Variants in NDST3 observed in about 807,000 individuals in gnomAD.
NDST3 encodes the protein bifunctional heparan sulfate N-deacetylase/N-sulfotransferase 3.
NDST3 carries 58 observed loss-of-function variants against 96.1 expected under a neutral mutation model. That is an observed-to-expected ratio of 0.60 (90% CI 0.49 to 0.75). The LOEUF (loss-of-function observed/expected upper bound fraction) is 0.75, where lower values mean the gene tolerates loss of function less well. NDST3 is among the 30% of genes least tolerant of loss of function. The pLI, the probability that NDST3 is intolerant of heterozygous loss-of-function variation, is 0.00. For synonymous variants in NDST3, 333 were observed against 359.7 expected (o/e 0.93, Z 0.84); for missense variants, 788 against 1,034.2 (o/e 0.76, Z 3.27).
chr4:118,112,377 G>A (rs562308369), intron 3 of NDST3, among the ~76,000 whole-genome samples: 2 of 152,180 alleles, frequency 1.3e-5, no homozygotes, highest in Non-Finnish European at 2.9e-5. Context: ...AGGGAATAGA[G>A]CTTAAAAGCA....
intron 6 of NDST3, among the ~76,000 whole-genome samples, chr4:118,163,502 CA>C (rs1735336849): frequency 6.6e-6 from 1 of 151,414 alleles, no homozygotes; most frequent in African/African-American, 2.4e-5. Flanking sequence ...ATCGCAAGAA[CA>C]AAAAACCAAA....
intron 1 of NDST3, among the ~76,000 whole-genome samples, chr4:118,047,367 G>C (rs368856780): frequency 6.6e-6 from 1 of 152,202 alleles, no homozygotes; most frequent in East Asian, 1.9e-4. Context: ...CTCATCTCCA[G>C]ATGAATCCAC....
intron 12 of NDST3, among the ~76,000 whole-genome samples, chr4:118,250,350 G>C (rs1325474237): frequency 6.6e-6 from 1 of 152,176 alleles, no homozygotes; most frequent in Non-Finnish European, 1.5e-5. Flanking sequence ...TTTAAAATCA[G>C]TCATTCTACT....
chr4:118,101,093 A>G (rs1729727519), intron 2 of NDST3, among the ~76,000 whole-genome samples: 10 of 152,124 alleles, frequency 6.6e-5, no homozygotes, highest in Admixed American at 6.6e-4. Flanking sequence ...ATAAATAAGA[A>G]ACAAAAAAAT....
chr4:118,215,640 G>C (rs1246292760), intron 6 of NDST3, among the ~76,000 whole-genome samples: 1 of 152,056 alleles, frequency 6.6e-6, no homozygotes, highest in African/African-American at 2.4e-5. Context: ...GGAGAGGACT[G>C]AAAATAGAGG....
chr4:118,164,066 T>C (rs10016301), intron 6 of NDST3, among the ~76,000 whole-genome samples: 45,845 of 151,962 alleles, frequency 0.3, 7,414 homozygotes, highest in African/African-American at 0.39. Flanking sequence ...CAGCACTATT[T>C]ACAATAGCAG....
intron 10 of NDST3, among the ~76,000 whole-genome samples, chr4:118,238,108 ACT>A (rs1740755248): frequency 6.8e-6 from 1 of 146,028 alleles, no homozygotes; most frequent in Admixed American, 7.2e-5. Context: ...GCAGAGGGAG[ACT>A]CTGTCAAAAG....
chr4:118,053,598 C>T (rs1725220075), intron 1 of NDST3, among the ~76,000 whole-genome samples, 158 bp from the exon 2 acceptor site: 1 of 151,840 alleles, frequency 6.6e-6, no homozygotes, highest in Non-Finnish European at 1.5e-5. Flanking sequence ...AGTCCCATGT[C>T]CTCACACAGA....
chr4:118,098,096 G>T (rs1239977187), intron 2 of NDST3, among the ~76,000 whole-genome samples: 2 of 151,592 alleles, frequency 1.3e-5, no homozygotes, highest in African/African-American at 4.8e-5. Flanking sequence ...GAACAGATGC[G>T]CTACTTAAGG....
At chr4:118,061,033 GCAGA>G (rs1725851078) in intron 2 of NDST3, among the ~76,000 whole-genome samples, 1 of 152,120 alleles carries the variant, frequency 6.6e-6, no homozygotes, top group South Asian at 2.1e-4. Flanking sequence ...TCTGTAAAGA[GCAGA>G]CAGTCATGCC....
At chr4:118,212,565 A>G (rs1738871460) in intron 6 of NDST3, among the ~76,000 whole-genome samples, 1 of 152,192 alleles carries the variant, frequency 6.6e-6, no homozygotes, top group East Asian at 1.9e-4. Context: ...TAAATAAATA[A>G]GAAATTATTA....
chr4:118,103,721 A>G (rs964251835), intron 2 of NDST3, among the ~76,000 whole-genome samples: 7 of 152,102 alleles, frequency 4.6e-5, no homozygotes, highest in African/African-American at 1.7e-4. Flanking sequence ...TTTTGCTCCC[A>G]TAGTTAGGTG....
chr4:118,062,722 TATTAA>T (rs1001640979), intron 2 of NDST3, among the ~76,000 whole-genome samples: 1 of 152,158 alleles, frequency 6.6e-6, no homozygotes, highest in Non-Finnish European at 1.5e-5. Flanking sequence ...TAATATATTG[TATTAA>T]ATTTGTTGTT....
chr4:118,125,576 G>A (rs1253921125), intron 4 of NDST3, among the ~76,000 whole-genome samples: 1 of 151,928 alleles, frequency 6.6e-6, no homozygotes, highest in Non-Finnish European at 1.5e-5. Context: ...TTGTATATGG[G>A]AGTTTAAGTT....
At chr4:118,164,487 T>A (rs1007417120) in intron 6 of NDST3, among the ~76,000 whole-genome samples, 1 of 152,068 alleles carries the variant, frequency 6.6e-6, no homozygotes, top group African/African-American at 2.4e-5. Flanking sequence ...TAACCCTGAA[T>A]CTAAAATTAA....
In NDST3 at chr4:118,066,395, A is replaced by ATTATATATTATATGTTATATG. The variant is rs1726473184; in HGVS notation, c.981+11512_981+11513insTATATGTTATATGTTATATAT. Among the ~76,000 whole-genome samples, 2 of 29,516 alleles carry ATTATATATTATATGTTATATG rather than the reference A, an allele frequency of 6.8e-5. 1 individual carries two copies. Among genetic ancestry groups the ATTATATATTATATGTTATATG allele is most frequent in the Non-Finnish European group, 1.4e-4 (2 of 13,928 alleles). The allele number at this position is 29,516 out of a possible 152,430, so 19.4% of individuals were successfully genotyped here. A position where few individuals can be genotyped will look rare whatever the true frequency, so the allele number is the denominator to read the frequency against. On this transcript the variant is annotated intron_variant, in intron 2 of 13. Transcript: ENST00000296499. Reference sequence around the variant, plus strand: ...ATATATCATATATCATATGTTATATATTATATATCATATATCATATGTTAT... The same window carrying ATTATATATTATATGTTATATG: ...ATATATCATATATCATATGTTATATATTATATATTATATGTTATATGTTATATATCATATATCATATGTTAT...
At chr4:118,134,402 C>T (rs1732901116) in intron 4 of NDST3, among the ~76,000 whole-genome samples, 1 of 152,152 alleles carries the variant, frequency 6.6e-6, no homozygotes, top group African/African-American at 2.4e-5. Flanking sequence ...TTAAATATTA[C>T]TTTGCAGGGA....
intron 6 of NDST3, among the ~76,000 whole-genome samples, chr4:118,159,711 T>C (rs1002330264): frequency 6.6e-6 from 1 of 151,724 alleles, no homozygotes; most frequent in Non-Finnish European, 1.5e-5. Flanking sequence ...AACAAAGAAA[T>C]AGAAAATATT....
intron 2 of NDST3, among the ~76,000 whole-genome samples, chr4:118,093,672 T>C (rs1284199053): frequency 6.6e-6 from 1 of 151,910 alleles, no homozygotes; most frequent in Non-Finnish European, 1.5e-5. Context: ...TAATCTGCTA[T>C]ATTCTTGGAA....
Sources: gnomAD v4.1 joint callset for allele counts (sites outside exome capture counted in the v4.1 genomes callset) on GRCh38, gnomAD v4.1.1 for gene constraint, MANE v1.5 for transcripts, NCBI Gene and HGNC (gene_info 2026-07-23, HGNC 2026-07-21) for gene names.